NRCAM: variants seen among roughly 807,000 people sequenced by gnomAD.
The protein encoded by NRCAM is neuronal cell adhesion molecule.
A neutral mutation model predicts 156.5 loss-of-function variants in NRCAM; 83 were observed. That is an observed-to-expected ratio of 0.53 (90% CI 0.44 to 0.64). NRCAM has a LOEUF of 0.64. Ranked by LOEUF, NRCAM falls within the 30% of genes least tolerant of loss-of-function variation. The pLI, the probability that NRCAM is intolerant of heterozygous loss-of-function variation, is 0.00. For missense variants in NRCAM, 1,417 were observed against 1,597.3 expected (o/e 0.89, Z 1.92); for synonymous variants, 538 against 563.9 (o/e 0.95, Z 0.65).
intron 13 of NRCAM, among the ~76,000 whole-genome samples, chr7:108,203,433 G>A (rs1382524784): frequency 8.0e-6 from 1 of 124,788 alleles, no homozygotes; most frequent in African/African-American, 3.2e-5. Flanking sequence ...AGACACTTTT[G>A]GAGTTAATTT....
chr7:108,269,049 G>A (rs545250198), intron 3 of NRCAM, among the ~76,000 whole-genome samples: 1 of 152,160 alleles, frequency 6.6e-6, no homozygotes, highest in South Asian at 2.1e-4. Context: ...ACCAGGACTT[G>A]AGCCTGGGAA....
At position 108,240,019 on chromosome 7, in the gene NRCAM, T is replaced by C. The variant is rs759686881; in HGVS notation, c.46A>G (p.Arg16Gly). Residue 16 changes from arginine (R) to glycine (G), a missense_variant, in exon 4 of 33, where the codon AGA becomes GGA. Physicochemically the swap from Arg to Gly is moderately radical, Grantham distance 125 (BLOSUM62 -2). This residue lies in a region of NRCAM where 1,238 missense variants were observed against 1,336.4 expected (regional missense o/e 0.93). Transcript: ENST00000379028. ...CACAGGAAGAGAATCAGGGGCACTC[T>C]GCCCGCAGATAAGCGCTTCTTTTTC... ...MPKKKRLSAG[R>G]VPLILFLCQM... is the part of the protein sequence containing the mutation. 1.9e-6 allele frequency: 3 copies of C among 1,613,366 alleles called. No individual in the cohort carries two copies. The highest frequency in any genetic ancestry group is 2.7e-5 in the African/African-American group (2 of 74,892).
At position 108,299,126 on chromosome 7, in the gene NRCAM, G is replaced by A. The variant is rs1475513490; in HGVS notation, c.-107+13539C>T. Among the ~76,000 whole-genome samples the A allele has an allele frequency of 1.5e-3, 91 of 62,118 alleles. 2 individuals carry two copies. Among genetic ancestry groups the A allele is most frequent in the Middle Eastern group, 8.5e-3 (1 of 118 alleles). The allele number at this position is 62,118 out of a possible 152,430, so 40.8% of individuals were successfully genotyped here. A position where few individuals can be genotyped will look rare whatever the true frequency, so the allele number is the denominator to read the frequency against. On this transcript the variant is annotated intron_variant, in intron 3 of 32. Transcript: ENST00000379028. ...ATCTCAAAAAAAAAAAAGAAAGAAA[G>A]AAAGAAAGAAAGAAAAGAAAAGTAA...
chr7:108,299,134 G>GAAAGAAAGAAAGAAAGA (rs1563164581), intron 3 of NRCAM, among the ~76,000 whole-genome samples: 1 of 85,610 alleles, frequency 1.2e-5, no homozygotes, highest in Non-Finnish European at 2.4e-5. Flanking sequence ...AAGAAAGAAA[G>GAAAGAAAGAAAGAAAGA]AAAGAAAAGA....
intron 1 of NRCAM, among the ~76,000 whole-genome samples, chr7:108,408,953 A>G (rs10487855): frequency 0.06 from 9,177 of 152,192 alleles, 297 homozygotes; most frequent in East Asian, 0.11. Context: ...TCCACAAGGC[A>G]TTGCAAAATG....
chr7:108,192,950 A>G (rs1181623514), intron 17 of NRCAM, among the ~76,000 whole-genome samples: 1 of 152,202 alleles, frequency 6.6e-6, no homozygotes, highest in African/African-American at 2.4e-5. Flanking sequence ...AAACTGCCTA[A>G]GTCATAAACT....
At chr7:108,233,492 A>G (rs1327216603) in intron 6 of NRCAM, among the ~76,000 whole-genome samples, 1 of 152,204 alleles carries the variant, frequency 6.6e-6, no homozygotes, top group East Asian at 1.9e-4. Flanking sequence ...CCATATATCA[A>G]CAATGCTGAA....
intron 32 of NRCAM, chr7:108,150,627 G>A: frequency 2.0e-6 from 1 of 502,814 alleles, no homozygotes; most frequent in Non-Finnish European, 4.0e-6. Context: ...GCCAGAAGGA[G>A]AAGCAAAATC....
At chr7:108,177,272 G>C (rs1246840259) in intron 26 of NRCAM, among the ~76,000 whole-genome samples, 1 of 152,130 alleles carries the variant, frequency 6.6e-6, no homozygotes, top group Non-Finnish European at 1.5e-5. Context: ...GTAAAAAGTA[G>C]AACACAGCAT....
At position 108,201,964 on chromosome 7, in the gene NRCAM, G is replaced by A. The variant is rs981901427; in HGVS notation, c.1208-3865C>T. Among the ~76,000 whole-genome samples the A allele has an allele frequency of 2.6e-5, 4 of 152,292 alleles. No homozygotes were observed. The South Asian group carries it at 8.3e-4, about 32-fold the overall frequency. The stretch of plus-strand genomic sequence containing the variant: ...CCAGGAACTGTCACGGTGACATATG[G>A]AGGCTCGGTTGGTAGCTGGACACAG... On this transcript the variant is annotated intron_variant, in intron 13 of 32. Transcript: ENST00000379028.
chr7:108,318,993 AAG>A (rs143509531), intron 2 of NRCAM, among the ~76,000 whole-genome samples: 1,542 of 152,338 alleles, frequency 0.01, 24 homozygotes, highest in African/African-American at 0.034. Context: ...CAACTACATG[AAG>A]AGTCATTGTT....
intron 1 of NRCAM, among the ~76,000 whole-genome samples, chr7:108,415,073 A>T (rs567692408): frequency 1.3e-5 from 2 of 152,282 alleles, no homozygotes; most frequent in East Asian, 3.9e-4. Flanking sequence ...ATTTCTTAGG[A>T]GGTTGCAGTA....
At position 108,318,039 on chromosome 7, in the gene NRCAM, CTT is replaced by C. The variant is rs779703662; in HGVS notation, c.-173-5310_-173-5309del. Among the ~76,000 whole-genome samples, 667 of 72,760 alleles carry C rather than the reference CTT, an allele frequency of 9.2e-3. 1 individual carries two copies. Among genetic ancestry groups the C allele is most frequent in the African/African-American group, 0.035 (597 of 17,182 alleles). 47.7% of individuals were successfully genotyped at this position (72,760 alleles called of 152,430 possible). A position where few individuals can be genotyped will look rare whatever the true frequency, so the allele number is the denominator to read the frequency against. On this transcript the variant is annotated intron_variant, in intron 2 of 32. Coordinates refer to ENST00000379028, the MANE Select transcript of NRCAM (RefSeq NM_001037132.4). ...GGAGGGACCTGGAAATTCACTTTTC[CTT>C]TTTTTTTTTTTTTTTTTTTTTTGAG... is the stretch of plus-strand genomic sequence containing the variant.
At chr7:108,258,462 G>GA (rs2096767315) in intron 3 of NRCAM, among the ~76,000 whole-genome samples, 1 of 152,010 alleles carries the variant, frequency 6.6e-6, no homozygotes, top group African/African-American at 2.4e-5. Flanking sequence ...CTTGTCTAGG[G>GA]AAAGACCCCA....
chr7:108,169,423 A>C (rs191915728), intron 28 of NRCAM, among the ~76,000 whole-genome samples: 5 of 152,358 alleles, frequency 3.3e-5, no homozygotes, highest in Non-Finnish European at 7.3e-5. Flanking sequence ...GACAGCATCA[A>C]TAGGTTTACC....
chr7:108,278,706 C>G (rs990725579), intron 3 of NRCAM, among the ~76,000 whole-genome samples: 3 of 152,238 alleles, frequency 2.0e-5, no homozygotes, highest in Non-Finnish European at 2.9e-5. Flanking sequence ...TGACCCCTTG[C>G]GCTTCCCCAG....
chr7:108,383,683 T>C (rs2099714091), intron 2 of NRCAM, among the ~76,000 whole-genome samples: 1 of 152,234 alleles, frequency 6.6e-6, no homozygotes, highest in Non-Finnish European at 1.5e-5. Context: ...ATGTTTCTTT[T>C]TAATAAAGTA....
chr7:108,183,814 C>T (rs1586902022), intron 22 of NRCAM, among the ~76,000 whole-genome samples: 1 of 152,148 alleles, frequency 6.6e-6, no homozygotes. Context: ...GGATTATAGG[C>T]GTGAGCTACT....
chr7:108,234,713 T>TA lies in NRCAM; in HGVS notation c.125-26dup, dbSNP rs756483940. On this transcript the variant is annotated intron_variant, in intron 5 of 32. Transcript: ENST00000379028. ...ACTTAATTGTAGAAAAAAAAAAATG[T>TA]AAAAAAACAAATTATTTAAAATCAT... The TA allele has an allele frequency of 2.4e-5, 36 of 1,469,960 alleles. No homozygotes were observed. In the South Asian group the frequency reaches 2.7e-4, roughly 11 times the overall value. The allele number at this position is 1,469,960 out of a possible 1,614,324, so 91.1% of individuals were successfully genotyped here.
Sources: allele counts gnomAD v4.1 joint callset (sites outside exome capture counted in the v4.1 genomes callset), GRCh38; gene constraint gnomAD v4.1.1; regional missense constraint gnomAD v4.1.1; transcripts MANE v1.5; gene names NCBI Gene and HGNC (gene_info 2026-07-23, HGNC 2026-07-21).